The following PARP12 variants were observed in gnomAD, a reference collection of about 807,000 sequenced individuals.
PARP12 encodes protein mono-ADP-ribosyltransferase PARP12.
PARP12 carries 59 observed loss-of-function variants against 72.4 expected under a neutral mutation model. The observed-to-expected ratio is 0.81, with a 90% CI of 0.66 to 1.01. PARP12 has a LOEUF of 1.01. Among genes scored for constraint, PARP12 ranks in the 50% least tolerant of loss-of-function variants. The pLI is 0.00. For synonymous variants in PARP12, 403 were observed against 371.4 expected (o/e 1.09, Z -0.98); for missense variants, 851 against 914.0 (o/e 0.93, Z 0.89).
In PARP12 at chr7:140,034,314, G is replaced by C; in HGVS notation, c.1342C>G (p.Leu448Val). 1.9e-6 allele frequency: 3 copies of C among 1,611,926 alleles called. No homozygotes were observed. Among genetic ancestry groups the C allele is most frequent in the Non-Finnish European group, 2.5e-6 (3 of 1,178,812 alleles). Residue 448 changes from leucine (L) to valine (V), a missense_variant, in exon 8 of 12, where the codon CTG becomes GTG. By Grantham distance (32) the Leu-to-Val change is conservative (BLOSUM62 1). Transcript: ENST00000263549. ...ACCTTTTTAGTTGTGCCATAGACCA[G>C]GTTTTTCTGAACGAAGGCTGAAAAA... ...LDFKAFVQKNLVYGTTKKVCR... is the reference protein window; with the variant it reads ...LDFKAFVQKNVVYGTTKKVCR...
intron 4 of PARP12, among the ~76,000 whole-genome samples, chr7:140,049,668 G>C (rs924075810): frequency 6.6e-6 from 1 of 152,186 alleles, no homozygotes; most frequent in Admixed American, 6.5e-5. Context: ...TGGGGGCCAG[G>C]GGAATGCACT....
chr7:140,047,074 T>C, intron 4 of PARP12, 67 bp from the exon 5 acceptor site: 3 of 1,518,634 alleles, frequency 2.0e-6, no homozygotes, highest in Non-Finnish European at 2.7e-6. Flanking sequence ...CTTGTGGTTG[T>C]CAACAGGTGT....
chr7:140,060,181 C>G (rs188455353), intron 1 of PARP12, among the ~76,000 whole-genome samples: 271 of 152,308 alleles, frequency 1.8e-3, no homozygotes, highest in Non-Finnish European at 2.7e-3. Flanking sequence ...GAACTGAGAC[C>G]TGGAGGTAAA....
intron 10 of PARP12, among the ~76,000 whole-genome samples, chr7:140,026,968 T>C (rs1815761519): frequency 6.6e-6 from 1 of 152,148 alleles, no homozygotes; most frequent in Non-Finnish European, 1.5e-5. Flanking sequence ...TGTGGTGGGC[T>C]GTACTGACCC....
chr7:140,046,769 G>A, intron 5 of PARP12, 115 bp downstream of exon 5: 1 of 1,078,696 alleles, frequency 9.3e-7, no homozygotes. Context: ...ACACACAGAA[G>A]CCCAGGCACC....
At chr7:140,033,113 G>C (rs960024083) in intron 8 of PARP12, 1 of 882,284 alleles carries the variant, frequency 1.1e-6, no homozygotes. Context: ...GGCTGGTCTC[G>C]AACTCCTGGG....
intron 5 of PARP12, among the ~76,000 whole-genome samples, chr7:140,046,067 T>C (rs1031604306): frequency 3.9e-5 from 6 of 152,154 alleles, no homozygotes; most frequent in Non-Finnish European, 7.3e-5. Flanking sequence ...GCTACACAAG[T>C]GTATGTATTT....
intron 5 of PARP12, among the ~76,000 whole-genome samples, chr7:140,043,613 C>T (rs768060811): frequency 1.2e-4 from 19 of 152,030 alleles, no homozygotes; most frequent in Non-Finnish European, 2.1e-4. Flanking sequence ...TCGTGATCTC[C>T]GCCTCCCGGA....
chr7:140,037,766 C>T lies in PARP12; in HGVS notation c.1273G>A (p.Ala425Thr), dbSNP rs1009725281. The T allele has an allele frequency of 1.2e-6, 2 of 1,614,106 alleles. No homozygotes were observed. Among genetic ancestry groups the T allele is most frequent in the African/African-American group, 2.7e-5 (2 of 74,948 alleles). Reference sequence around the variant, plus strand: ...TTTCCGGCCTGGAACTTCAAGGTGGCTGCCTGGCCGTCAGACCCCGGTGTA... The same window carrying T: ...TTTCCGGCCTGGAACTTCAAGGTGGTTGCCTGGCCGTCAGACCCCGGTGTA... ...YCTPGSDGQA[A>T]TLKFQAGKHN... Residue 425 changes from alanine (A) to threonine (T), a missense_variant, in exon 7 of 12, where the codon GCC becomes ACC. By Grantham distance (58) the Ala-to-Thr change is moderately conservative. Coordinates refer to ENST00000263549, the MANE Select transcript of PARP12 (RefSeq NM_022750.4).
At chr7:140,053,616 CAT>C (rs920261654) in intron 4 of PARP12, among the ~76,000 whole-genome samples, 3 of 152,068 alleles carry the variant, frequency 2.0e-5, no homozygotes, top group Non-Finnish European at 2.9e-5. Flanking sequence ...TCAGAATACA[CAT>C]ATATATGTGT....
chr7:140,032,933 CAT>C (rs911526206), intron 8 of PARP12, among the ~76,000 whole-genome samples: 52 of 152,194 alleles, frequency 3.4e-4, no homozygotes, highest in Admixed American at 8.5e-4. Flanking sequence ...AGGTTTTACA[CAT>C]AGTCAAAAAC....
At chr7:140,039,112 TAG>T (rs978405325) in intron 6 of PARP12, among the ~76,000 whole-genome samples, 6 of 152,226 alleles carry the variant, frequency 3.9e-5, no homozygotes, top group African/African-American at 1.4e-4. Flanking sequence ...AGCAGCCTCC[TAG>T]TTTACGGTCT....
At chr7:140,062,302 C>G (rs972443530) in intron 1 of PARP12, among the ~76,000 whole-genome samples, 1 of 152,264 alleles carries the variant, frequency 6.6e-6, no homozygotes, top group Admixed American at 6.5e-5. Context: ...TCTCTCCCCC[C>G]AGGCGTCTAG....
chr7:140,042,488 G>C (rs1274409116), intron 5 of PARP12, among the ~76,000 whole-genome samples: 1 of 152,254 alleles, frequency 6.6e-6, no homozygotes, highest in African/African-American at 2.4e-5. Context: ...GCGAGAGCCA[G>C]CAGCTATCCC....
At chr7:140,032,304 C>T (rs569041071) in intron 8 of PARP12, among the ~76,000 whole-genome samples, 40 of 151,780 alleles carry the variant, frequency 2.6e-4, no homozygotes, top group African/African-American at 8.7e-4. Flanking sequence ...TTACTTCCTA[C>T]GACTCTGACC....
chr7:140,057,746 T>G, intron 2 of PARP12, 153 bp downstream of exon 2: 1 of 1,110,390 alleles, frequency 9.0e-7, no homozygotes, highest in African/African-American at 1.6e-5. Context: ...TGAACTTCAC[T>G]GCTCCTTCTG....
chr7:140,042,022 A>C (rs531196190), intron 5 of PARP12, among the ~76,000 whole-genome samples, 183 bp from the exon 6 acceptor site: 19 of 152,350 alleles, frequency 1.2e-4, no homozygotes, highest in African/African-American at 4.6e-4. Context: ...AAAATATCAA[A>C]ATCAAGATAA....
rs1351456993 is a variant in PARP12 at position 140,024,694 on chromosome 7, G to A, written c.1972C>T (p.Pro658Ser). 1.9e-6 allele frequency: 3 copies of A among 1,614,034 alleles called. No individual in the cohort carries two copies. Among genetic ancestry groups the A allele is most frequent in the South Asian group, 1.1e-5 (1 of 91,088 alleles). Reference protein sequence around the residue: ...YDSCVNSVSDPSIFVIFEKHQ... With the variant: ...YDSCVNSVSDSSIFVIFEKHQ... Reference sequence around the variant, plus strand: ...TTCTCAAAGATCACAAAGATGGAGGGGTCGGACACACTGTTCACGCAGCTA... The same window carrying A: ...TTCTCAAAGATCACAAAGATGGAGGAGTCGGACACACTGTTCACGCAGCTA... The change falls in exon 12 of 12, where the codon CCC (proline) becomes TCC (serine). Residue 658 changes from proline to serine, a missense_variant. By Grantham distance (74) the Pro-to-Ser change is moderately conservative. Around this residue, in one of 3 missense-constraint regions of PARP12, gnomAD observed 347 missense variants for 396.1 expected, o/e 0.88. Coordinates refer to ENST00000263549, the MANE Select transcript of PARP12 (RefSeq NM_022750.4).
chr7:140,057,624 A>G (rs1184756655), intron 2 of PARP12: 3 of 459,904 alleles, frequency 6.5e-6, no homozygotes, highest in Non-Finnish European at 7.7e-6. Flanking sequence ...TTCATTTCTC[A>G]ATGGAGCACA....
Sources: gnomAD v4.1 joint callset for allele counts (sites outside exome capture counted in the v4.1 genomes callset) on GRCh38, gnomAD v4.1.1 for gene constraint, gnomAD v4.1.1 regional missense constraint, MANE v1.5 for transcripts, NCBI Gene and HGNC (gene_info 2026-07-23, HGNC 2026-07-21) for gene names.